NAPB: variants seen among roughly 807,000 people sequenced by gnomAD.
NAPB encodes the protein beta-soluble NSF attachment protein.
NAPB carries 26 observed loss-of-function variants against 44.7 expected under a neutral mutation model. The ratio of observed to expected loss-of-function variants is 0.58; its 90% confidence interval spans 0.43 to 0.81. The LOEUF (loss-of-function observed/expected upper bound fraction) is 0.81. NAPB is among the 30% of genes least tolerant of loss of function. The pLI, the probability that NAPB is intolerant of heterozygous loss-of-function variation, is 0.00. For synonymous variants in NAPB, 120 were observed against 116.8 expected (o/e 1.03, Z -0.18); for missense variants, 315 against 356.4 (o/e 0.88, Z 0.94).
intron 5 of NAPB, among the ~76,000 whole-genome samples, chr20:23,390,748 A>G (rs1234351543): frequency 6.8e-6 from 1 of 146,254 alleles, no homozygotes; most frequent in Non-Finnish European, 1.5e-5. Flanking sequence ...AGGTACCTCC[A>G]ACCCCAGTGT....
chr20:23,386,566 C>T (rs1267024002), intron 7 of NAPB, among the ~76,000 whole-genome samples: 2 of 152,228 alleles, frequency 1.3e-5, no homozygotes, highest in African/African-American at 4.8e-5. Flanking sequence ...AATTCTGGCA[C>T]TTACAAAAAG....
At chr20:23,385,139 A>T (rs1983387406) in intron 7 of NAPB, among the ~76,000 whole-genome samples, 1 of 152,154 alleles carries the variant, frequency 6.6e-6, no homozygotes, top group South Asian at 2.1e-4. Flanking sequence ...AACAAAAAAA[A>T]ACAAGATCCA....
At chr20:23,394,847 G>T in intron 5 of NAPB, 75 bp downstream of exon 5, 1 of 1,438,032 alleles carries the variant, frequency 7.0e-7, no homozygotes, top group South Asian at 1.2e-5. Context: ...ATCACTCTCA[G>T]ACTGAGGAGA....
chr20:23,375,118 T>A lies in NAPB; in HGVS notation c.*2258A>T, dbSNP rs1982397085. ...TGGGCTTTTCTCTCATTCTTTTTTT[T>A]AATCTTCTGGCAGGTCTCTTCTAGC... On this transcript the variant is annotated 3_prime_UTR_variant, in exon 11 of 11. Coordinates refer to ENST00000377026, the MANE Select transcript of NAPB (RefSeq NM_022080.3). 2 of 152,212 alleles carry A rather than the reference T, an allele frequency of 1.3e-5. No individual in the cohort carries two copies. Among genetic ancestry groups the A allele is most frequent in the Non-Finnish European group, 2.9e-5 (2 of 68,040 alleles). The allele number at this position is 152,212 out of a possible 1,614,324, so 9.4% of individuals were successfully genotyped here.
At chr20:23,379,224 C>A (rs1982801406) in intron 10 of NAPB, 1 of 453,372 alleles carries the variant, frequency 2.2e-6, no homozygotes, top group African/African-American at 2.0e-5. Flanking sequence ...CTGAACTAGT[C>A]TCACAGCTAA....
At chr20:23,420,934 C>T (rs1194881341) in intron 1 of NAPB, among the ~76,000 whole-genome samples, 2 of 149,366 alleles carry the variant, frequency 1.3e-5, no homozygotes, top group African/African-American at 4.9e-5. Flanking sequence ...TCTAAGGGGG[C>T]GTGTTAGGGG....
At chr20:23,420,137 T>G (rs1162869448) in intron 1 of NAPB, among the ~76,000 whole-genome samples, 1 of 152,228 alleles carries the variant, frequency 6.6e-6, no homozygotes, top group South Asian at 2.1e-4. Flanking sequence ...TTTCTCATCC[T>G]AAACAGCTGA....
At position 23,379,926 on chromosome 20, in the gene NAPB, C is replaced by G; in HGVS notation, c.676G>C (p.Glu226Gln). ...VDELNAKLALEKYEEMFPAFT... is the reference protein window; with the variant it reads ...VDELNAKLALQKYEEMFPAFT... ...GCTGGAAACATTTCCTCATATTTCTCAAGAGCAAGCTGAGAGAGAAAAACC... is the reference window on the plus strand; with the variant it reads ...GCTGGAAACATTTCCTCATATTTCTGAAGAGCAAGCTGAGAGAGAAAAACC... Residue 226 changes from glutamate (E) to glutamine (Q), a missense_variant, in exon 9 of 11, where the codon GAG becomes CAG. By Grantham distance (29) the Glu-to-Gln change is conservative. Transcript: ENST00000377026. 6.2e-7 allele frequency: 1 copy of G among 1,612,958 alleles called. No individual in the cohort carries two copies. The highest frequency in any genetic ancestry group is 8.5e-7 in the Non-Finnish European group (1 of 1,179,348).
At chr20:23,416,287 C>A (rs1985999040) in intron 1 of NAPB, among the ~76,000 whole-genome samples, 1 of 152,092 alleles carries the variant, frequency 6.6e-6, no homozygotes, top group Admixed American at 6.6e-5. Context: ...TGCAAAAATG[C>A]AACAAGAAAA....
chr20:23,408,745 TG>T (rs1301745751), intron 1 of NAPB, among the ~76,000 whole-genome samples: 1 of 152,154 alleles, frequency 6.6e-6, no homozygotes, highest in South Asian at 2.1e-4. Context: ...ACAAAACAAC[TG>T]GAAGAGATAT....
At chr20:23,413,278 T>C (rs113253082) in intron 1 of NAPB, among the ~76,000 whole-genome samples, 20 of 150,848 alleles carry the variant, frequency 1.3e-4, no homozygotes, top group Admixed American at 7.3e-4. Context: ...CCATTCTTTC[T>C]ACCTGGAATA....
chr20:23,390,862 T>C (rs1235652823), intron 5 of NAPB, among the ~76,000 whole-genome samples: 1 of 152,186 alleles, frequency 6.6e-6, no homozygotes, highest in African/African-American at 2.4e-5. Context: ...CTACACACAC[T>C]AATACCTTAA....
intron 7 of NAPB, among the ~76,000 whole-genome samples, chr20:23,385,641 G>A (rs1983443719): frequency 6.6e-6 from 1 of 151,902 alleles, no homozygotes; most frequent in South Asian, 2.1e-4. Context: ...GAACCTGGGA[G>A]GTGGAGGGTT....
At chr20:23,414,908 C>T (rs980697734) in intron 1 of NAPB, among the ~76,000 whole-genome samples, 4 of 152,042 alleles carry the variant, frequency 2.6e-5, no homozygotes, top group Admixed American at 2.0e-4. Context: ...TTCTCTTTGA[C>T]TCCATAACTC....
At chr20:23,411,654 T>C (rs1009057120) in intron 1 of NAPB, among the ~76,000 whole-genome samples, 3 of 151,458 alleles carry the variant, frequency 2.0e-5, no homozygotes, top group East Asian at 1.9e-4. Flanking sequence ...AAAAGGGATA[T>C]TAGAGAACAA....
At chr20:23,417,084 T>TC (rs11463620) in intron 1 of NAPB, among the ~76,000 whole-genome samples, 14 of 55,316 alleles carry the variant, frequency 2.5e-4, no homozygotes, top group Admixed American at 2.2e-3. Context: ...ACTGGCATTC[T>TC]TTTTTTTTTT....
chr20:23,391,284 C>G (rs772450672), intron 5 of NAPB, among the ~76,000 whole-genome samples: 1 of 152,124 alleles, frequency 6.6e-6, no homozygotes, highest in Non-Finnish European at 1.5e-5. Flanking sequence ...GCACTCCAGC[C>G]TGGGTGACAA....
At chr20:23,395,715 A>C (rs1659675778) in intron 3 of NAPB, among the ~76,000 whole-genome samples, 1 of 152,224 alleles carries the variant, frequency 6.6e-6, no homozygotes, top group Admixed American at 6.5e-5. Context: ...ATAATGTTCA[A>C]AGATGCTAAA....
chr20:23,394,453 G>T (rs1984203155), intron 5 of NAPB, among the ~76,000 whole-genome samples: 1 of 152,202 alleles, frequency 6.6e-6, no homozygotes, highest in African/African-American at 2.4e-5. Context: ...AGAGATGACT[G>T]CTGGACAAAG....
Sources: gnomAD v4.1 joint callset for allele counts (sites outside exome capture counted in the v4.1 genomes callset) on GRCh38, gnomAD v4.1.1 for gene constraint, MANE v1.5 for transcripts, NCBI Gene and HGNC (gene_info 2026-07-23, HGNC 2026-07-21) for gene names.